The following ZNF41 variants were observed in gnomAD, a reference collection of about 807,000 sequenced individuals.
The protein encoded by ZNF41 is zinc finger protein 41.
A neutral mutation model predicts 9.3 loss-of-function variants in ZNF41; 6 were observed. That is an observed-to-expected ratio of 0.65 (90% CI 0.35 to 1.28). The LOEUF (loss-of-function observed/expected upper bound fraction) is 1.28, where lower values mean the gene tolerates loss of function less well. Ranked by LOEUF, ZNF41 falls within the 50% of genes most tolerant of loss-of-function variation. The probability of loss-of-function intolerance (pLI) is 0.03; values close to 1 mark genes in which losing one functional copy is unlikely to be tolerated. For synonymous variants in ZNF41, 192 were observed against 207.1 expected, an observed-to-expected ratio of 0.93 and a Z score of 0.63; for missense variants, 523 against 585.8, an observed-to-expected ratio of 0.89 and a Z score of 1.11.
chrX:47,474,137 G>A (rs1020591276), intron 1 of ZNF41, among the ~76,000 whole-genome samples: 5 of 112,190 alleles, frequency 4.5e-5, no homozygotes, highest in Non-Finnish European at 9.4e-5. Context: ...GGTTTTCAAG[G>A]ACATTATGCT....
chrX:47,470,628 A>G (rs1203393798), intron 1 of ZNF41, among the ~76,000 whole-genome samples: 5 of 94,904 alleles, frequency 5.3e-5, no homozygotes, highest in African/African-American at 1.9e-4. Flanking sequence ...TCGGGAGGCT[A>G]AGGCGTGAGA....
intron 4 of ZNF41, among the ~76,000 whole-genome samples, chrX:47,451,633 TGGGAGGC>T (rs1372333546): frequency 8.9e-6 from 1 of 112,725 alleles, no homozygotes; most frequent in African/African-American, 3.2e-5. Context: ...CCCAGCACTT[TGGGAGGC>T]CAAGGCAGGC....
At chrX:47,456,204 C>T (rs1179472167) in intron 3 of ZNF41, 68 bp downstream of exon 3, 11 of 1,173,848 alleles carry the variant, frequency 9.4e-6, no homozygotes, top group African/African-American at 5.3e-5. Context: ...GGTTAGGTGT[C>T]GGGCAGCACT....
intron 2 of ZNF41, among the ~76,000 whole-genome samples, chrX:47,462,827 G>A (rs1179895201): frequency 2.8e-5 from 3 of 107,769 alleles, no homozygotes; most frequent in Non-Finnish European, 5.7e-5. Flanking sequence ...GCACAATCAC[G>A]GCTCACTGCA....
chrX:47,461,660 C>T (rs995889016), intron 2 of ZNF41, among the ~76,000 whole-genome samples: 9 of 110,452 alleles, frequency 8.1e-5, no homozygotes, highest in African/African-American at 2.6e-4. Context: ...TCTGCCCAGT[C>T]GGCCTCCCAA....
intron 1 of ZNF41, among the ~76,000 whole-genome samples, chrX:47,481,664 G>T (rs989696967): frequency 2.7e-5 from 3 of 111,539 alleles, no homozygotes. Flanking sequence ...AAATAAAACC[G>T]AACAGCAGCA....
chrX:47,451,464 C>T (rs183744438), intron 4 of ZNF41, among the ~76,000 whole-genome samples: 1 of 112,237 alleles, frequency 8.9e-6, no homozygotes, highest in Admixed American at 9.5e-5. Context: ...ATCAAAATAT[C>T]CCATGCAGGC....
Position 47,447,669 on chromosome X carries a change from T to G in ZNF41, c.2101A>C (p.Thr701Pro), listed in dbSNP as rs1250734482. 2 of 1,211,749 alleles carry G rather than the reference T, an allele frequency of 1.7e-6. No individual in the cohort carries two copies. The highest frequency in any genetic ancestry group is 2.2e-6 in the Non-Finnish European group (2 of 895,526). The change falls in exon 5 of 5, where the codon ACC (threonine) becomes CCC (proline). Residue 701 changes from threonine (T) to proline (P), a missense_variant. Transcript: ENST00000684689. The part of the protein sequence containing the change: ...YECGDCGKTF[T>P]WKSRLNIHQK... The stretch of plus-strand genomic sequence containing the variant: ...TGTATATTGAGGCGTGACTTCCAGG[T>G]GAAGGTTTTCCCGCAGTCACCACAT...
chrX:47,460,826 G>T (rs1056524654), intron 2 of ZNF41, among the ~76,000 whole-genome samples: 1 of 111,477 alleles, frequency 9.0e-6, no homozygotes, highest in Admixed American at 9.6e-5. Context: ...AACTGTGCTG[G>T]AAAGTATTTT....
In ZNF41 at chrX:47,456,082, C is replaced by T. The variant is rs769974786; in HGVS notation, c.200-66G>A. The T allele has an allele frequency of 5.4e-5, 60 of 1,108,751 alleles. No homozygotes were observed. The South Asian group carries it at 1.1e-3, about 20-fold the overall frequency. 91.4% of individuals were successfully genotyped at this position (1,108,751 alleles called of 1,213,427 possible). A position where few individuals can be genotyped will look rare whatever the true frequency, so the allele number is the denominator to read the frequency against. On this transcript the variant is annotated intron_variant, in intron 3 of 4. Coordinates refer to ENST00000684689, the MANE Select transcript of ZNF41 (RefSeq NM_001324144.2). ...GGGTTTCAGGGGCCTTTCAGTGACA[C>T]TTTCCCTTTGCTTTTCAGAAAAGTA...
chrX:47,458,247 TA>T (rs1305586252), intron 2 of ZNF41, among the ~76,000 whole-genome samples: 1 of 111,800 alleles, frequency 8.9e-6, no homozygotes, highest in Non-Finnish European at 1.9e-5. Context: ...AAATCAGTAA[TA>T]AGACGAAACT....
chrX:47,466,057 G>C (rs970806073), intron 2 of ZNF41, among the ~76,000 whole-genome samples: 2 of 110,774 alleles, frequency 1.8e-5, no homozygotes, highest in Non-Finnish European at 3.8e-5. Flanking sequence ...ACATACAAAG[G>C]AAAAAACAAC....
chrX:47,454,918 A>C (rs1428489143), intron 4 of ZNF41, among the ~76,000 whole-genome samples: 1 of 111,834 alleles, frequency 8.9e-6, no homozygotes, highest in Non-Finnish European at 1.9e-5. Flanking sequence ...CCATGGGAGG[A>C]GGCATAAAGA....
Position 47,447,344 on chromosome X carries a change from A to T in ZNF41, c.*86T>A. 8.7e-7 allele frequency: 1 copy of T among 1,145,691 alleles called. No individual in the cohort carries two copies. The highest frequency in any genetic ancestry group is 1.8e-5 in the African/African-American group (1 of 56,681). The allele number at this position is 1,145,691 out of a possible 1,213,427, so 94.4% of individuals were successfully genotyped here. A position where few individuals can be genotyped will look rare whatever the true frequency, so the allele number is the denominator to read the frequency against. On this transcript the variant is annotated 3_prime_UTR_variant, in exon 5 of 5. Transcript: ENST00000684689. The stretch of plus-strand genomic sequence containing the variant: ...GTCTCTCATACCCATTTCCCCCTGT[A>T]CAATGATTGCAGCAACAGGCCTTCC...
At chrX:47,483,033 G>A (rs1194071730) in intron 1 of ZNF41, 62 bp downstream of exon 1, 2 of 112,219 alleles carry the variant, frequency 1.8e-5, no homozygotes, top group South Asian at 3.7e-4. Context: ...CTGCTCTGTG[G>A]GACGCGGCGA....
intron 4 of ZNF41, among the ~76,000 whole-genome samples, chrX:47,449,688 G>A (rs1415821652): frequency 8.9e-6 from 1 of 112,251 alleles, no homozygotes; most frequent in Non-Finnish European, 1.9e-5. Flanking sequence ...TGTTACAAGT[G>A]CTTTACATGA....
In ZNF41 at chrX:47,449,419, G is replaced by A. The variant is rs747391741; in HGVS notation, c.351C>T (p.His117=). 2.6e-5 allele frequency: 31 copies of A among 1,208,050 alleles called. No individual in the cohort carries two copies. The South Asian group carries it at 5.5e-4, about 21-fold the overall frequency. The stretch of plus-strand genomic sequence containing the variant: ...CTATGGGTTGATCAAATCTCTCACA[G>A]TGGAAGAAAATTCCTCCAGGAATTC... ...QQGIPGGIFF[H]CERFDQPIGE... The change falls in exon 5 of 5, where the codon CAC becomes CAT. Residue 117 remains histidine (H), a synonymous_variant. Transcript: ENST00000684689.
Position 47,447,555 on chromosome X carries a change from T to A in ZNF41, c.2215A>T (p.Ile739Leu), listed in dbSNP as rs145129774. 393 of 1,210,517 alleles carry A rather than the reference T, an allele frequency of 3.2e-4. 2 individuals are homozygous for A. The African/African-American group carries it at 6.3e-3, about 19-fold the overall frequency. The part of the protein sequence containing the change: ...IQKATLSMHQ[I>L]IHTGKKPYAC... ...TAAGGTTTCTTTCCTGTATGAATTA[T>A]CTGATGCATACTTAGTGTGGCTTTC... The change falls in exon 5 of 5, where the codon ATA becomes TTA. Residue 739 changes from isoleucine (I) to leucine (L), a missense_variant. Physicochemically the swap from Ile to Leu is conservative, Grantham distance 5. Transcript: ENST00000684689.
intron 2 of ZNF41, among the ~76,000 whole-genome samples, chrX:47,463,198 C>T (rs1233602243): frequency 9.0e-6 from 1 of 110,790 alleles, no homozygotes; most frequent in Non-Finnish European, 1.9e-5. Flanking sequence ...TTGAGTAGTA[C>T]CTAACTAGCT....
Sources: gnomAD v4.1 joint callset for allele counts (sites outside exome capture counted in the v4.1 genomes callset) on GRCh38, gnomAD v4.1.1 for gene constraint, MANE v1.5 for transcripts, NCBI Gene and HGNC (gene_info 2026-07-23, HGNC 2026-07-21) for gene names.